Variants in CDH22 observed in about 807,000 individuals in gnomAD.
CDH22 encodes cadherin-22.
CDH22 carries 30 observed loss-of-function variants against 58.4 expected under a neutral mutation model. The observed-to-expected ratio is 0.51, with a 90% confidence interval of 0.38 to 0.70. CDH22 has a LOEUF of 0.70. Among genes scored for constraint, CDH22 ranks in the 30% least tolerant of loss-of-function variants. CDH22 has a pLI of 0.00. For synonymous variants in CDH22, 513 were observed against 558.2 expected, an observed-to-expected ratio of 0.92 and a Z score of 1.14; for missense variants, 1,014 against 1,233.9, an observed-to-expected ratio of 0.82 and a Z score of 2.67.
intron 3 of CDH22, among the ~76,000 whole-genome samples, chr20:46,236,191 C>G (rs2086249997): frequency 6.6e-6 from 1 of 152,024 alleles, no homozygotes; most frequent in South Asian, 2.1e-4. Context: ...GAAATGCAGA[C>G]ATTTCTAACA....
intron 1 of CDH22, among the ~76,000 whole-genome samples, chr20:46,290,650 AG>A (rs1442360252): frequency 3.3e-5 from 5 of 152,162 alleles, no homozygotes; most frequent in African/African-American, 1.2e-4. Flanking sequence ...AGCTGCTGAC[AG>A]CTAACTCTGG....
intron 4 of CDH22, among the ~76,000 whole-genome samples, chr20:46,224,271 TG>T (rs1395493455): frequency 6.6e-6 from 1 of 152,246 alleles, no homozygotes; most frequent in African/African-American, 2.4e-5. Context: ...TCAATAAAAG[TG>T]CCATGAATGC....
intron 1 of CDH22, among the ~76,000 whole-genome samples, chr20:46,287,060 G>A (rs371200193): frequency 6.6e-6 from 1 of 152,014 alleles, no homozygotes; most frequent in South Asian, 2.1e-4. Context: ...TGAACAAGAC[G>A]GGCATGGTCC....
chr20:46,260,565 G>C (rs1323979474), intron 1 of CDH22, among the ~76,000 whole-genome samples: 3 of 152,216 alleles, frequency 2.0e-5, no homozygotes, highest in Admixed American at 2.0e-4. Flanking sequence ...ACTGGGGCCT[G>C]GGAGGGACTC....
chr20:46,241,372 A>T lies in CDH22; in HGVS notation c.256-115T>A, dbSNP rs1189814531. 1 of 889,998 alleles carries T rather than the reference A, an allele frequency of 1.1e-6. No homozygotes were observed. The highest frequency in any genetic ancestry group is 1.7e-5 in the African/African-American group (1 of 59,036). 55.1% of individuals were successfully genotyped at this position (889,998 alleles called of 1,614,324 possible). A position where few individuals can be genotyped will look rare whatever the true frequency, so the allele number is the denominator to read the frequency against. On this transcript the variant is annotated intron_variant, in intron 2 of 11. Coordinates refer to ENST00000537909, the MANE Select transcript of CDH22 (RefSeq NM_021248.3). The surrounding 1 kb of genome is among the most constrained non-coding windows in gnomAD (Gnocchi z 5.2). ...AGCCCATCTCTTCTCCAGCACATAC[A>T]CATCTTTAGTGAGGACACTGAGGCC...
At chr20:46,211,030 C>T (rs1039505845) in intron 6 of CDH22, among the ~76,000 whole-genome samples, 10 of 152,192 alleles carry the variant, frequency 6.6e-5, no homozygotes, top group Non-Finnish European at 1.3e-4. Flanking sequence ...GAGTGAGTCC[C>T]TAGCAGAGCC....
At chr20:46,264,165 A>C (rs1427745398) in intron 1 of CDH22, among the ~76,000 whole-genome samples, 2 of 152,202 alleles carry the variant, frequency 1.3e-5, no homozygotes, top group African/African-American at 4.8e-5. Context: ...CTTTATGTGC[A>C]TTAGCTTATT....
intron 1 of CDH22, among the ~76,000 whole-genome samples, chr20:46,293,437 G>C (rs2086613892): frequency 6.6e-6 from 1 of 151,976 alleles, no homozygotes; most frequent in Non-Finnish European, 1.5e-5. Flanking sequence ...ATCAGGCAGG[G>C]AACCTATGTT....
intron 10 of CDH22, 33 bp downstream of exon 10, chr20:46,186,555 T>G: frequency 6.8e-7 from 1 of 1,478,904 alleles, no homozygotes; most frequent in Non-Finnish European, 9.4e-7. Flanking sequence ...ACTGTGCCCC[T>G]CCCTTCTTGC....
intron 8 of CDH22, among the ~76,000 whole-genome samples, chr20:46,195,318 A>G (rs2145664619): frequency 6.6e-6 from 1 of 152,324 alleles, no homozygotes; most frequent in Non-Finnish European, 1.5e-5. Flanking sequence ...CCCTCATGGA[A>G]GGTACAGTTT....
intron 1 of CDH22, among the ~76,000 whole-genome samples, chr20:46,281,647 C>T (rs1351005890): frequency 3.3e-5 from 5 of 152,218 alleles, no homozygotes. Flanking sequence ...CCAACAAACA[C>T]AGAGTGCATT....
rs761801141 is a variant in CDH22 at position 46,174,666 on chromosome 20, T to A, written c.2327A>T (p.Glu776Val). The A allele has an allele frequency of 1.3e-6, 2 of 1,558,738 alleles. No individual in the cohort carries two copies. Among genetic ancestry groups the A allele is most frequent in the Non-Finnish European group, 1.7e-6 (2 of 1,159,272 alleles). The change falls in exon 12 of 12, where the codon GAG (glutamate) becomes GTG (valine). Residue 776 changes from glutamate to valine, a missense_variant. Transcript: ENST00000537909. This position sits in a 1 kb window ranked among gnomAD's most constrained non-coding sequence, Gnocchi z 4.4. Reference sequence around the variant, plus strand: ...CGAGGCGGCCGGCGAGTCCGCGCCCTCGAAGGCGTAGGTCTGGAAGGCGTC... The same window carrying A: ...CGAGGCGGCCGGCGAGTCCGCGCCCACGAAGGCGTAGGTCTGGAAGGCGTC... ...PYDAFQTYAFEGADSPAASLS... is the reference protein window; with the variant it reads ...PYDAFQTYAFVGADSPAASLS...
chr20:46,282,245 C>A (rs971518089), intron 1 of CDH22, among the ~76,000 whole-genome samples: 1 of 152,118 alleles, frequency 6.6e-6, no homozygotes, highest in African/African-American at 2.4e-5. Flanking sequence ...ATACAACGTG[C>A]CCAGGATACC....
intron 1 of CDH22, among the ~76,000 whole-genome samples, chr20:46,271,039 G>T (rs1180461218): frequency 6.6e-6 from 1 of 152,176 alleles, no homozygotes; most frequent in Admixed American, 6.5e-5. Context: ...ACCAAGTGAG[G>T]TTTGATTATT....
At chr20:46,240,710 A>G (rs147656848) in intron 3 of CDH22, among the ~76,000 whole-genome samples, 215 of 152,230 alleles carry the variant, frequency 1.4e-3, no homozygotes, top group Middle Eastern at 3.4e-3. Context: ...CGAGGGCATC[A>G]CTGTGTCCAC....
intron 1 of CDH22, among the ~76,000 whole-genome samples, chr20:46,291,674 C>A (rs2086603931): frequency 6.6e-6 from 1 of 152,252 alleles, no homozygotes; most frequent in African/African-American, 2.4e-5. Context: ...AGGTGAACGA[C>A]CTCTCAACAC....
intron 1 of CDH22, among the ~76,000 whole-genome samples, chr20:46,289,578 C>T (rs147816618): frequency 3.4e-3 from 519 of 152,302 alleles, no homozygotes; most frequent in Non-Finnish European, 5.4e-3. Context: ...CCACTGGATC[C>T]GATTCTCCAC....
intron 8 of CDH22, among the ~76,000 whole-genome samples, chr20:46,190,498 GC>G (rs2145659195): frequency 6.6e-6 from 1 of 152,308 alleles, no homozygotes; most frequent in Non-Finnish European, 1.5e-5. Flanking sequence ...GGCTGCAGGT[GC>G]CCCCTCCAAG....
At chr20:46,240,048 A>G (rs1183258903) in intron 3 of CDH22, among the ~76,000 whole-genome samples, 1 of 151,642 alleles carries the variant, frequency 6.6e-6, no homozygotes, top group Non-Finnish European at 1.5e-5. Flanking sequence ...TACCCAGGTA[A>G]GTGCAACTGA....
Sources: gnomAD v4.1 joint callset for allele counts (sites outside exome capture counted in the v4.1 genomes callset) on GRCh38, gnomAD v4.1.1 for gene constraint, Gnocchi (gnomAD v3.1) non-coding constraint, MANE v1.5 for transcripts, NCBI Gene and HGNC (gene_info 2026-07-23, HGNC 2026-07-21) for gene names.